SLTM: variants seen among roughly 807,000 people sequenced by gnomAD.
SLTM encodes the protein SAFB like transcription modulator.
A neutral mutation model predicts 134.6 loss-of-function variants in SLTM; 43 were observed. The ratio of observed to expected loss-of-function variants is 0.32; its 90% CI spans 0.25 to 0.41. SLTM has a LOEUF of 0.41. Ranked by LOEUF, SLTM falls within the 10% of genes least tolerant of loss-of-function variation. SLTM has a pLI of 1.00. For missense variants in SLTM, 1,055 were observed against 1,288.8 expected (o/e 0.82, Z 2.78); for synonymous variants, 424 against 432.3 (o/e 0.98, Z 0.24).
intron 5 of SLTM, among the ~76,000 whole-genome samples, 175 bp downstream of exon 5, chr15:58,912,388 C>A (rs544666192): frequency 1.3e-5 from 2 of 152,294 alleles, no homozygotes; most frequent in South Asian, 4.1e-4. Context: ...CGTGAGCTAC[C>A]TAGCGCGCCC....
chr15:58,884,976 T>G (rs2034061446), intron 19 of SLTM, among the ~76,000 whole-genome samples: 2 of 152,206 alleles, frequency 1.3e-5, no homozygotes, highest in East Asian at 3.9e-4. Context: ...CAAGGGCTTT[T>G]TGACCCTTGA....
At chr15:58,916,818 GTCTTTA>G (rs1217261029) in intron 3 of SLTM, 111 bp downstream of exon 3, 1 of 717,246 alleles carries the variant, frequency 1.4e-6, no homozygotes, top group Middle Eastern at 3.6e-4. Flanking sequence ...TATTACATAG[GTCTTTA>G]TCTTTAACCT....
intron 6 of SLTM, chr15:58,900,771 T>C (rs1335038533): frequency 1.2e-5 from 2 of 160,896 alleles, no homozygotes; most frequent in Non-Finnish European, 2.7e-5. Context: ...GTAATTGTAT[T>C]GAATGAGACA....
At chr15:58,932,954 G>A (rs1324844662) in intron 1 of SLTM, among the ~76,000 whole-genome samples, 7 of 152,206 alleles carry the variant, frequency 4.6e-5, no homozygotes, top group Non-Finnish European at 8.8e-5. Context: ...TCCCCCTCAA[G>A]ATGGGGAAGA....
At chr15:58,900,058 GAA>G (rs35822874) in intron 6 of SLTM, 121 bp from the exon 7 acceptor site, 2,012 of 511,686 alleles carry the variant, frequency 3.9e-3, no homozygotes, top group South Asian at 9.4e-3. Context: ...GGAAGTTAGG[GAA>G]AAAAAAAAAA....
intron 14 of SLTM, among the ~76,000 whole-genome samples, chr15:58,891,517 T>A (rs2034642199): frequency 6.6e-6 from 1 of 152,218 alleles, no homozygotes; most frequent in Non-Finnish European, 1.5e-5. Context: ...TTCTTGCGAC[T>A]TTTACCAAGA....
intron 2 of SLTM, among the ~76,000 whole-genome samples, chr15:58,919,371 A>C (rs565195995): frequency 6.6e-6 from 1 of 152,092 alleles, no homozygotes; most frequent in East Asian, 1.9e-4. Context: ...GGAGGGGGAG[A>C]ATCGCTTGAG....
intron 1 of SLTM, among the ~76,000 whole-genome samples, 160 bp downstream of exon 1, chr15:58,933,244 C>A (rs1268329621): frequency 2.0e-5 from 3 of 151,736 alleles, no homozygotes; most frequent in Non-Finnish European, 4.4e-5. Context: ...CGGAAGGGTC[C>A]CCGTCCTCCA....
chr15:58,923,461 A>G (rs1013437929), intron 2 of SLTM, among the ~76,000 whole-genome samples: 1 of 152,286 alleles, frequency 6.6e-6, no homozygotes, highest in African/African-American at 2.4e-5. Context: ...TGGCAGTTCA[A>G]CTAACTTTGT....
intron 5 of SLTM, among the ~76,000 whole-genome samples, chr15:58,902,894 T>A (rs767302833): frequency 4.7e-4 from 72 of 151,696 alleles, no homozygotes; most frequent in African/African-American, 7.0e-4. Flanking sequence ...CAGCTAATTT[T>A]TTATTATTAT....
At chr15:58,905,145 G>C (rs2035783878) in intron 5 of SLTM, among the ~76,000 whole-genome samples, 1 of 152,168 alleles carries the variant, frequency 6.6e-6, no homozygotes, top group Non-Finnish European at 1.5e-5. Context: ...CACCCAGCCT[G>C]TAAGAATGTC....
chr15:58,894,552 G>C lies in SLTM; in HGVS notation c.1258C>G (p.Arg420Gly). The C allele has an allele frequency of 3.1e-6, 5 of 1,614,048 alleles. No individual in the cohort carries two copies. The highest frequency in any genetic ancestry group is 4.2e-6 in the Non-Finnish European group (5 of 1,180,000). The change falls in exon 10 of 21, where the codon CGA (arginine) becomes GGA (glycine). Residue 420 changes from arginine (R) to glycine (G), a missense_variant. Transcript: ENST00000380516. The stretch of plus-strand genomic sequence containing the variant: ...CCATAGCATTTTGCCCCAGGACTTC[G>C]AGCATTTGTAACTACTTTTGCACTC... ...VLSAKVVTNA[R>G]SPGAKCYGIV...
intron 8 of SLTM, among the ~76,000 whole-genome samples, chr15:58,897,802 A>G (rs1224466852): frequency 6.6e-6 from 1 of 152,210 alleles, no homozygotes; most frequent in Non-Finnish European, 1.5e-5. Context: ...AAACAAAACA[A>G]CTACAAGATT....
intron 5 of SLTM, among the ~76,000 whole-genome samples, chr15:58,905,304 A>G (rs1218252704): frequency 6.6e-6 from 1 of 152,210 alleles, no homozygotes; most frequent in East Asian, 1.9e-4. Flanking sequence ...TTATGGATAA[A>G]TCTTTTTCTT....
chr15:58,929,522 G>A (rs529097469), intron 2 of SLTM, among the ~76,000 whole-genome samples: 10 of 152,270 alleles, frequency 6.6e-5, no homozygotes, highest in Middle Eastern at 3.4e-3. Context: ...TTTCAAATCT[G>A]TTCATTATTG....
At chr15:58,925,690 A>T (rs1402910899) in intron 2 of SLTM, among the ~76,000 whole-genome samples, 1 of 152,232 alleles carries the variant, frequency 6.6e-6, no homozygotes. Flanking sequence ...TCATTATAAT[A>T]AACCTAGAAT....
intron 16 of SLTM, 118 bp from the exon 17 acceptor site, chr15:58,888,673 C>T: frequency 1.2e-6 from 1 of 848,372 alleles, no homozygotes; most frequent in East Asian, 2.8e-5. Flanking sequence ...CTAGTAAACT[C>T]AAGACATAAC....
At position 58,899,657 on chromosome 15, in the gene SLTM, C is replaced by T. The variant is rs1355339391; in HGVS notation, c.870G>A (p.Pro290=). The T allele has an allele frequency of 8.1e-6, 13 of 1,614,158 alleles. No homozygotes were observed. Among genetic ancestry groups the T allele is most frequent in the Admixed American group, 1.7e-5 (1 of 60,010 alleles). The change falls in exon 7 of 21, where the codon CCG becomes CCA. Residue 290 remains proline (P), a synonymous_variant. Coordinates refer to ENST00000380516, the MANE Select transcript of SLTM (RefSeq NM_024755.4). This position sits in a 1 kb window ranked among gnomAD's most constrained non-coding sequence, Gnocchi z 5.0. Reference sequence around the variant, plus strand: ...TCTCATAATCCTTGCTTTCCTTCTCCGGGCTCTGTGCAATGGCGTCCTGCC... The same window carrying T: ...TCTCATAATCCTTGCTTTCCTTCTCTGGGCTCTGTGCAATGGCGTCCTGCC... ...KDGQDAIAQS[P]EKESKDYEMN... is the part of the protein sequence containing the mutation.
Position 58,894,512 on chromosome 15 carries a change from G to C in SLTM, c.1298C>G (p.Ser433Cys). The change falls in exon 10 of 21, where the codon TCT (serine) becomes TGT (cysteine). Residue 433 changes from serine (S) to cysteine (C), a missense_variant. Transcript: ENST00000380516. ...GAKCYGIVTM[S>C]SSTEVSRCIA... Reference sequence around the variant, plus strand: ...ACACCTGGACACCTCTGTGCTTGAAGACATAGTTACAATGCCATAGCATTT... The same window carrying C: ...ACACCTGGACACCTCTGTGCTTGAACACATAGTTACAATGCCATAGCATTT... 1.2e-6 allele frequency: 2 copies of C among 1,614,118 alleles called. No homozygotes were observed. Among genetic ancestry groups the C allele is most frequent in the Middle Eastern group, 3.3e-4 (2 of 6,060 alleles).
Sources: allele counts gnomAD v4.1 joint callset (sites outside exome capture counted in the v4.1 genomes callset), GRCh38; gene constraint gnomAD v4.1.1; non-coding constraint Gnocchi (gnomAD v3.1); transcripts MANE v1.5; gene names NCBI Gene and HGNC (gene_info 2026-07-23, HGNC 2026-07-21).